The following CANX variants were observed in gnomAD, a reference collection of about 807,000 sequenced individuals.
CANX encodes the protein calnexin, also known as epididymis secretory sperm binding protein.
CANX carries 14 observed loss-of-function variants against 75.7 expected under a neutral mutation model. That is an observed-to-expected ratio of 0.19 (90% CI 0.12 to 0.29). CANX has a LOEUF of 0.29. Ranked by LOEUF, CANX falls within the 10% of genes least tolerant of loss-of-function variation. The pLI is 1.00. For synonymous variants in CANX, 227 were observed against 236.9 expected, an observed-to-expected ratio of 0.96 and a Z score of 0.38; for missense variants, 567 against 713.2, an observed-to-expected ratio of 0.79 and a Z score of 2.34.
rs1044711138 is a variant in CANX, at chr5:179,699,016, C to T, written c.-90C>T. 7.1e-6 allele frequency: 8 copies of T among 1,120,206 alleles called. No individual in the cohort carries two copies. The highest frequency in any genetic ancestry group is 1.9e-4 in the East Asian group (2 of 10,350). The allele number at this position is 1,120,206 out of a possible 1,614,324, so 69.4% of individuals were successfully genotyped here. On this transcript the variant is annotated 5_prime_UTR_variant, in exon 1 of 15. Transcript: ENST00000247461. ...CTGCGGCACGTGACGGTCGGGCCGC[C>T]TCCGCCTCTCTCTTTACTGCGGCGC...
rs1479718912 is a variant in CANX at position 179,730,672 on chromosome 5, C to G, written c.*2028C>G. The stretch of plus-strand genomic sequence containing the variant: ...AAAACAAAAACGCCTTTTCTTGGTT[C>G]TTTTTTCAGTTATTTTGAAGGTCCA... On this transcript the variant is annotated 3_prime_UTR_variant, in exon 15 of 15. Coordinates refer to ENST00000247461, the MANE Select transcript of CANX (RefSeq NM_001746.4). 6.6e-6 allele frequency: 1 copy of G among 152,098 alleles called. No homozygotes were observed. Among genetic ancestry groups the G allele is most frequent in the Admixed American group, 6.5e-5 (1 of 15,276 alleles). The allele number at this position is 152,098 out of a possible 1,614,324, so 9.4% of individuals were successfully genotyped here. A position where few individuals can be genotyped will look rare whatever the true frequency, so the allele number is the denominator to read the frequency against.
At chr5:179,680,044 C>T (rs1052175823) in intron 1 of CANX, among the ~76,000 whole-genome samples, 1 of 149,172 alleles carries the variant, frequency 6.7e-6, no homozygotes, top group Admixed American at 6.8e-5. Flanking sequence ...AACTCCGGAC[C>T]TCAGGTGATC....
intron 10 of CANX, among the ~76,000 whole-genome samples, chr5:179,721,404 T>C (rs1183100651): frequency 6.6e-6 from 1 of 152,224 alleles, no homozygotes; most frequent in Non-Finnish European, 1.5e-5. Context: ...ATAACTTTCA[T>C]AGTTGCTTTG....
chr5:179,731,476 TAA>T lies in CANX; in HGVS notation c.*2843_*2844del, dbSNP rs35136597. Among the ~76,000 whole-genome samples the T allele has an allele frequency of 3.5e-5, 5 of 142,778 alleles. No individual in the cohort carries two copies. Among genetic ancestry groups the T allele is most frequent in the Admixed American group, 1.4e-4 (2 of 14,260 alleles). 93.7% of individuals were successfully genotyped at this position (142,778 alleles called of 152,430 possible). A position where few individuals can be genotyped will look rare whatever the true frequency, so the allele number is the denominator to read the frequency against. Reference sequence around the variant, plus strand: ...TCTGGTGTAAAATTTGTTTGAATGCTAAAAAAAAAAAAGCAGGACTGCATTAT... The same window carrying T: ...TCTGGTGTAAAATTTGTTTGAATGCTAAAAAAAAAAGCAGGACTGCATTAT... On this transcript the variant is annotated 3_prime_UTR_variant, in exon 15 of 15. Coordinates refer to ENST00000247461, the MANE Select transcript of CANX (RefSeq NM_001746.4).
upstream of CANX, chr5:179,694,805 G>T (rs1776362226): frequency 3.9e-6 from 2 of 506,470 alleles, no homozygotes; most frequent in South Asian, 4.3e-5. Context: ...AAAAGTAAAT[G>T]GATAAAAATG....
intron 1 of CANX, chr5:179,680,732 T>TG (rs1407846655): frequency 4.3e-5 from 26 of 601,896 alleles, no homozygotes; most frequent in Non-Finnish European, 7.0e-5. Flanking sequence ...AAGGGAGCTA[T>TG]GTGTTGTTTC....
intron 1 of CANX, 53 bp from the exon 2 acceptor site, chr5:179,705,626 A>G (rs369797780): frequency 1.5e-6 from 2 of 1,355,292 alleles, no homozygotes. Context: ...AGTGATCTTC[A>G]TGAAGTTTGA....
chr5:179,698,376 A>G, upstream of CANX: 1 of 1,207,726 alleles, frequency 8.3e-7, no homozygotes, highest in Non-Finnish European at 1.1e-6. Flanking sequence ...CCGAGCCATG[A>G]CTCTGCAGGA....
At chr5:179,689,379 GTTTTTTTTTTTTTT>G (rs958473912) in intron 1 of CANX, among the ~76,000 whole-genome samples, 2 of 83,678 alleles carry the variant, frequency 2.4e-5, no homozygotes, top group South Asian at 5.3e-4. Flanking sequence ...AACCCAACAA[GTTTTTTTTTTTTTT>G]TTTTTTTTTT....
Position 179,709,860 on chromosome 5 carries a change from T to C in CANX, c.529-13T>C, listed in dbSNP as rs1416045644. On this transcript the variant is annotated splice_polypyrimidine_tract_variant and intron_variant, in intron 6 of 14. Coordinates refer to ENST00000247461, the MANE Select transcript of CANX (RefSeq NM_001746.4). ...GTACAGTGACTTCAAATAATCCTTTTTTGTTTTTGAAGGATCAGTTCCATG... is the reference window on the plus strand; with the variant it reads ...GTACAGTGACTTCAAATAATCCTTTCTTGTTTTTGAAGGATCAGTTCCATG... 1 of 1,541,892 alleles carries C rather than the reference T, an allele frequency of 6.5e-7. No homozygotes were observed. The highest frequency in any genetic ancestry group is 1.4e-5 in the African/African-American group (1 of 71,362).
intron 11 of CANX, 57 bp downstream of exon 11, chr5:179,723,076 T>C (rs1408070613): frequency 9.6e-6 from 14 of 1,463,828 alleles, no homozygotes; most frequent in Non-Finnish European, 1.2e-5. Flanking sequence ...TGTTATTTTG[T>C]GAAAGTCTGT....
In CANX at chr5:179,724,673, T is replaced by C. The variant is rs1241484135; in HGVS notation, c.1535T>C (p.Met512Thr). The part of the protein sequence containing the change: ...CCSGKKQTSG[M>T]EYKKTDAPQP... ...ACATTTCAGAAACAGACCAGTGGTA[T>C]GGAGTATAAGAAAACTGATGCACCT... The change falls in exon 13 of 15, where the codon ATG (methionine) becomes ACG (threonine). Residue 512 changes from methionine (M) to threonine (T), a missense_variant. Transcript: ENST00000247461. The C allele has an allele frequency of 6.2e-7, 1 of 1,613,486 alleles. No homozygotes were observed. Among genetic ancestry groups the C allele is most frequent in the Non-Finnish European group, 8.5e-7 (1 of 1,179,586 alleles).
At chr5:179,704,606 C>G (rs1428521867) in intron 1 of CANX, among the ~76,000 whole-genome samples, 1 of 151,440 alleles carries the variant, frequency 6.6e-6, no homozygotes, top group South Asian at 2.1e-4. Flanking sequence ...GAGGCTGAGG[C>G]AGGTGGATCA....
Position 179,716,156 on chromosome 5 carries a change from A to G in CANX, c.773A>G (p.Asn258Ser), listed in dbSNP as rs1237790098. 1.2e-6 allele frequency: 2 copies of G among 1,613,152 alleles called. No individual in the cohort carries two copies. The highest frequency in any genetic ancestry group is 1.7e-4 in the Middle Eastern group (1 of 6,060). Residue 258 changes from asparagine to serine, a missense_variant, in exon 8 of 15, where the codon AAT (asparagine) becomes AGT (serine). Coordinates refer to ENST00000247461, the MANE Select transcript of CANX (RefSeq NM_001746.4). ...FEILVDQSVV[N>S]SGNLLNDMTP... ...ATACTGGTTGACCAATCTGTGGTGA[A>G]TAGTGGAAATCTGCTCAATGACATG...
chr5:179,724,582 C>T (rs1778526747), intron 12 of CANX, 75 bp from the exon 13 acceptor site: 2 of 1,267,512 alleles, frequency 1.6e-6, no homozygotes, highest in African/African-American at 1.5e-5. Context: ...CAGAACTTTG[C>T]CTGTAGGCAT....
chr5:179,682,194 A>G (rs573639133), intron 1 of CANX, among the ~76,000 whole-genome samples: 3 of 145,612 alleles, frequency 2.1e-5, no homozygotes, highest in South Asian at 2.2e-4. Context: ...AGAGGTTGCA[A>G]TGAGCGAAGA....
intron 1 of CANX, chr5:179,679,120 C>T: frequency 2.6e-6 from 4 of 1,535,696 alleles, no homozygotes; most frequent in Non-Finnish European, 2.6e-6. Flanking sequence ...GGCTCGTAGC[C>T]GAGCACTCGA....
At chr5:179,708,455 A>G (rs1018359884) in intron 5 of CANX, 75 bp downstream of exon 5, 7 of 1,352,692 alleles carry the variant, frequency 5.2e-6, no homozygotes, top group Non-Finnish European at 6.1e-6. Flanking sequence ...CTTTTACTCT[A>G]TGTTAAAAAA....
At chr5:179,686,527 A>G (rs1004376224) in intron 1 of CANX, among the ~76,000 whole-genome samples, 15 of 151,828 alleles carry the variant, frequency 9.9e-5, no homozygotes, top group African/African-American at 1.7e-4. Context: ...GCTGGAGTCT[A>G]TTGGTGGTGT....
Sources: gnomAD v4.1 joint callset for allele counts (sites outside exome capture counted in the v4.1 genomes callset) on GRCh38, gnomAD v4.1.1 for gene constraint, MANE v1.5 for transcripts, NCBI Gene and HGNC (gene_info 2026-07-23, HGNC 2026-07-21) for gene names.